Variants in PLEKHG1 observed in about 807,000 individuals in gnomAD.
The protein encoded by PLEKHG1 is pleckstrin homology and RhoGEF domain containing G1, also known as pleckstrin homology domain-containing family G member 1.
PLEKHG1 carries 44 observed loss-of-function variants against 100.8 expected under a neutral mutation model. The observed-to-expected ratio is 0.44, with a 90% CI of 0.34 to 0.56. PLEKHG1 has a LOEUF of 0.56. PLEKHG1 is among the 20% of genes least tolerant of loss of function. The pLI, the probability that PLEKHG1 is intolerant of heterozygous loss-of-function variation, is 0.01. For missense variants in PLEKHG1, 1,545 were observed against 1,720.9 expected (o/e 0.90, Z 1.81); for synonymous variants, 640 against 662.5 (o/e 0.97, Z 0.52).
intron 10 of PLEKHG1, among the ~76,000 whole-genome samples, chr6:150,816,589 G>T (rs1243761548): frequency 6.6e-6 from 1 of 151,982 alleles, no homozygotes; most frequent in East Asian, 1.9e-4. Flanking sequence ...CTCTCAAAGT[G>T]CTGAGATCAT....
chr6:150,623,942 C>T (rs1414566226), intron 1 of PLEKHG1, among the ~76,000 whole-genome samples: 1 of 152,204 alleles, frequency 6.6e-6, no homozygotes, highest in Non-Finnish European at 1.5e-5. Flanking sequence ...AAGCTGTGCA[C>T]AGTGGTTACA....
chr6:150,819,139 G>A (rs1037611879), intron 11 of PLEKHG1, among the ~76,000 whole-genome samples: 8 of 146,350 alleles, frequency 5.5e-5, no homozygotes, highest in Admixed American at 2.0e-4. Context: ...TTTTTTGGCC[G>A]GGTGTGGTGG....
chr6:150,796,902 C>G (rs1334598977), intron 5 of PLEKHG1, among the ~76,000 whole-genome samples: 2 of 152,172 alleles, frequency 1.3e-5, no homozygotes, highest in Non-Finnish European at 2.9e-5. Context: ...TGAAAAGTTT[C>G]TGAAACTTTG....
intron 2 of PLEKHG1, among the ~76,000 whole-genome samples, chr6:150,741,724 C>T (rs1052888001): frequency 6.6e-6 from 1 of 152,178 alleles, no homozygotes; most frequent in Non-Finnish European, 1.5e-5. Context: ...AGGCCTTTCT[C>T]CGAAACCCAC....
At chr6:150,765,780 T>A (rs1784427481) in intron 2 of PLEKHG1, among the ~76,000 whole-genome samples, 1 of 152,210 alleles carries the variant, frequency 6.6e-6, no homozygotes. Flanking sequence ...CTAGAAAAGT[T>A]AGAAGAAGAA....
At chr6:150,629,021 A>G (rs1777630716) in intron 1 of PLEKHG1, among the ~76,000 whole-genome samples, 1 of 152,218 alleles carries the variant, frequency 6.6e-6, no homozygotes, top group South Asian at 2.1e-4. Flanking sequence ...CTAGACCTCC[A>G]TTGGCCACAG....
intron 2 of PLEKHG1, among the ~76,000 whole-genome samples, chr6:150,750,802 AAG>A (rs1554267398): frequency 9.9e-5 from 15 of 150,946 alleles, no homozygotes; most frequent in African/African-American, 3.4e-4. Flanking sequence ...AAAAAAAAAA[AAG>A]GCGGCACAAA....
At chr6:150,744,458 TA>T (rs1378655328) in intron 2 of PLEKHG1, among the ~76,000 whole-genome samples, 2 of 151,932 alleles carry the variant, frequency 1.3e-5, no homozygotes, top group East Asian at 3.8e-4. Flanking sequence ...AGTAGGCAGT[TA>T]AAAAAAACAA....
intron 2 of PLEKHG1, among the ~76,000 whole-genome samples, chr6:150,749,933 A>G (rs1342835648): frequency 6.6e-6 from 1 of 151,994 alleles, no homozygotes; most frequent in South Asian, 2.1e-4. Context: ...TGAGCCGGGC[A>G]TGGTGGCAGG....
chr6:150,800,929 A>G, intron 6 of PLEKHG1, 60 bp downstream of exon 7: 2 of 1,424,468 alleles, frequency 1.4e-6, no homozygotes, highest in Non-Finnish European at 9.8e-7. Context: ...TGTATATATT[A>G]AGTTTGGTGG....
chr6:150,822,722 G>A (rs949482085), intron 13 of PLEKHG1, among the ~76,000 whole-genome samples: 3 of 152,232 alleles, frequency 2.0e-5, no homozygotes, highest in Non-Finnish European at 4.4e-5. Context: ...GCTCACGCCT[G>A]TAATACCAAC....
chr6:150,809,411 C>G, exon 9 of PLEKHG1: 2 of 1,613,884 alleles, frequency 1.2e-6, no homozygotes, highest in East Asian at 4.5e-5. Flanking sequence ...GGAGGTGATT[C>G]CAAAAGAGCC....
chr6:150,660,071 AT>A (rs60016202), intron 3 of PLEKHG1, among the ~76,000 whole-genome samples: 20,090 of 143,468 alleles, frequency 0.14, 1,337 homozygotes, highest in East Asian at 0.26. Context: ...TTTGTTCATA[AT>A]TTTTTTTTTT....
chr6:150,756,500 C>A (rs1038318441), intron 2 of PLEKHG1, among the ~76,000 whole-genome samples: 20 of 152,266 alleles, frequency 1.3e-4, no homozygotes, highest in African/African-American at 4.8e-4. Context: ...GGTGTAATCA[C>A]ATTCATCTGC....
intron 2 of PLEKHG1, among the ~76,000 whole-genome samples, chr6:150,641,112 T>C (rs775970310): frequency 1.3e-5 from 2 of 152,144 alleles, no homozygotes; most frequent in Non-Finnish European, 2.9e-5. Flanking sequence ...AGAGGCTCTT[T>C]TACGTTTTAT....
intron 3 of PLEKHG1, among the ~76,000 whole-genome samples, chr6:150,777,358 G>A (rs1785039867): frequency 6.6e-6 from 1 of 151,730 alleles, no homozygotes; most frequent in African/African-American, 2.4e-5. Flanking sequence ...TGGTGCACAT[G>A]TGCGGTTGCA....
At chr6:150,624,710 C>T (rs968854539) in intron 1 of PLEKHG1, 2 of 152,142 alleles carry the variant, frequency 1.3e-5, no homozygotes, top group African/African-American at 4.8e-5. Flanking sequence ...CCACAGTCGG[C>T]CTCACTTCAA....
At chr6:150,735,789 A>G (rs1218573248) in intron 2 of PLEKHG1, among the ~76,000 whole-genome samples, 1 of 152,216 alleles carries the variant, frequency 6.6e-6, no homozygotes, top group East Asian at 1.9e-4. Flanking sequence ...TACCTAATCT[A>G]AAACTCACCT....
chr6:150,713,006 C>T (rs1345614913), intron 3 of PLEKHG1, among the ~76,000 whole-genome samples: 2 of 152,228 alleles, frequency 1.3e-5, no homozygotes. Flanking sequence ...CTTCACAGCA[C>T]TCATCATACT....
Sources: gnomAD v4.1 joint callset for allele counts (sites outside exome capture counted in the v4.1 genomes callset) on GRCh38, gnomAD v4.1.1 for gene constraint, MANE v1.5 for transcripts, NCBI Gene and HGNC (gene_info 2026-07-23, HGNC 2026-07-21) for gene names.